The following TBC1D4 variants were observed in gnomAD, a reference collection of about 807,000 sequenced individuals.
TBC1D4 encodes TBC1 domain family member 4.
A neutral mutation model predicts 142.5 loss-of-function variants in TBC1D4; 121 were observed. The observed-to-expected ratio is 0.85, with a 90% CI of 0.73 to 0.99. TBC1D4 has a LOEUF of 0.99. Among genes scored for constraint, TBC1D4 ranks in the 50% least tolerant of loss-of-function variants. The probability of loss-of-function intolerance (pLI) is 0.00; values close to 1 mark genes in which losing one functional copy is unlikely to be tolerated. For missense variants in TBC1D4, 1,475 were observed against 1,606.6 expected (o/e 0.92, Z 1.40); for synonymous variants, 630 against 628.2 (o/e 1.00, Z -0.04).
At chr13:75,351,840 G>A (rs1881631521) in intron 4 of TBC1D4, among the ~76,000 whole-genome samples, 1 of 152,038 alleles carries the variant, frequency 6.6e-6, no homozygotes, top group African/African-American at 2.4e-5. Context: ...TTGGTTCCAA[G>A]TCTTTGGCAT....
intron 1 of TBC1D4, among the ~76,000 whole-genome samples, chr13:75,406,123 G>GT (rs1184175314): frequency 6.6e-6 from 1 of 152,194 alleles, no homozygotes; most frequent in Non-Finnish European, 1.5e-5. Context: ...GCATCCAACT[G>GT]TGAGGGCTAC....
chr13:75,470,136 C>T (rs1302872452), intron 1 of TBC1D4, among the ~76,000 whole-genome samples: 1 of 152,016 alleles, frequency 6.6e-6, no homozygotes, highest in Non-Finnish European at 1.5e-5. Context: ...TTATTTTTTA[C>T]AAGATTGTCT....
chr13:75,347,531 C>G lies in TBC1D4; in HGVS notation c.1408+1639G>C, dbSNP rs1881246566. ...TGCATTTCTGTGTCTTAATAAATCTCTCTTCAAGAAATAAGAATACTCTTC... is the reference window on the plus strand; with the variant it reads ...TGCATTTCTGTGTCTTAATAAATCTGTCTTCAAGAAATAAGAATACTCTTC... On this transcript the variant is annotated intron_variant, in intron 5 of 20. Coordinates refer to ENST00000377636, the MANE Select transcript of TBC1D4 (RefSeq NM_014832.5). Among the ~76,000 whole-genome samples the G allele has an allele frequency of 2.0e-5, 3 of 152,182 alleles. No individual in the cohort carries two copies. In the South Asian group the frequency reaches 6.2e-4, roughly 31 times the overall value.
chr13:75,330,026 C>CA (rs1245672995), intron 8 of TBC1D4, among the ~76,000 whole-genome samples: 1 of 152,228 alleles, frequency 6.6e-6, no homozygotes, highest in African/African-American at 2.4e-5. Flanking sequence ...TCTGGAAACT[C>CA]ACGCTCTTTA....
intron 1 of TBC1D4, among the ~76,000 whole-genome samples, chr13:75,431,518 T>C (rs1276946937): frequency 2.0e-5 from 3 of 152,184 alleles, no homozygotes; most frequent in Non-Finnish European, 4.4e-5. Flanking sequence ...TAATTTCTAC[T>C]TGGTGCCTGG....
At chr13:75,441,662 G>C (rs989228194) in intron 1 of TBC1D4, among the ~76,000 whole-genome samples, 1 of 152,180 alleles carries the variant, frequency 6.6e-6, no homozygotes, top group Non-Finnish European at 1.5e-5. Context: ...TATAGAGTTG[G>C]AAAACTAAGT....
intron 14 of TBC1D4, among the ~76,000 whole-genome samples, chr13:75,307,759 A>C (rs1265253489): frequency 1.3e-5 from 2 of 152,222 alleles, no homozygotes; most frequent in African/African-American, 2.4e-5. Flanking sequence ...AACATAATCT[A>C]AAGATAAATC....
chr13:75,366,386 C>G (rs1485857335), intron 1 of TBC1D4, among the ~76,000 whole-genome samples: 1 of 152,168 alleles, frequency 6.6e-6, no homozygotes, highest in African/African-American at 2.4e-5. Context: ...TCGAGATCCA[C>G]ATTCTGTGAG....
intron 1 of TBC1D4, among the ~76,000 whole-genome samples, chr13:75,409,623 T>C (rs1885506014): frequency 6.6e-6 from 1 of 152,220 alleles, no homozygotes; most frequent in Admixed American, 6.5e-5. Flanking sequence ...GATTGACCCT[T>C]GGTGAAACTT....
chr13:75,343,304 A>C (rs1436953817), intron 5 of TBC1D4, among the ~76,000 whole-genome samples: 1 of 152,230 alleles, frequency 6.6e-6, no homozygotes, highest in Non-Finnish European at 1.5e-5. Context: ...AGCACACAGT[A>C]CTGCCATACT....
rs758366853 is a variant in TBC1D4 at position 75,292,271 on chromosome 13, T to A, written c.3317A>T (p.Asp1106Val). ...FSLGFVARVF[D>V]IIFLQGTEVI... ...TTCAGTTCCCTGAAGAAAAATAATATCTAAAAGAAGAGATATAATTTTCAT... is the reference window on the plus strand; with the variant it reads ...TTCAGTTCCCTGAAGAAAAATAATAACTAAAAGAAGAGATATAATTTTCAT... The change falls in exon 19 of 21, where the codon GAT (aspartate) becomes GTT (valine). Residue 1106 changes from aspartate (D) to valine (V), a missense_variant and splice_region_variant. Transcript: ENST00000377636. 3 of 1,609,764 alleles carry A rather than the reference T, an allele frequency of 1.9e-6. No individual in the cohort carries two copies. Among genetic ancestry groups the A allele is most frequent in the Non-Finnish European group, 2.5e-6 (3 of 1,177,982 alleles).
At chr13:75,361,382 A>G (rs944889887) in intron 2 of TBC1D4, among the ~76,000 whole-genome samples, 5 of 151,816 alleles carry the variant, frequency 3.3e-5, no homozygotes, top group African/African-American at 7.3e-5. Flanking sequence ...ACTTTCTACA[A>G]TTTTTTTGTT....
intron 1 of TBC1D4, among the ~76,000 whole-genome samples, chr13:75,369,666 G>C (rs1466504238): frequency 6.6e-6 from 1 of 152,114 alleles, no homozygotes; most frequent in Non-Finnish European, 1.5e-5. Context: ...ATACCCCCTA[G>C]GTCTCAGGTT....
chr13:75,320,179 C>T, intron 11 of TBC1D4, 142 bp from the exon 12 acceptor site: 1 of 844,096 alleles, frequency 1.2e-6, no homozygotes, highest in Non-Finnish European at 1.9e-6. Context: ...AATAATTATA[C>T]CTTTTTTTTT....
intron 1 of TBC1D4, among the ~76,000 whole-genome samples, chr13:75,429,664 G>A (rs1179040100): frequency 2.0e-5 from 3 of 151,852 alleles, no homozygotes; most frequent in East Asian, 3.9e-4. Flanking sequence ...TATTTAGATC[G>A]AACCACTACT....
intron 1 of TBC1D4, among the ~76,000 whole-genome samples, chr13:75,457,994 G>A (rs1434652401): frequency 1.3e-5 from 2 of 152,150 alleles, no homozygotes; most frequent in Admixed American, 6.5e-5. Context: ...GCATCTAGGG[G>A]TGTTACAATT....
chr13:75,424,031 C>G (rs1236321408), intron 1 of TBC1D4, among the ~76,000 whole-genome samples: 2 of 152,128 alleles, frequency 1.3e-5, no homozygotes, highest in Non-Finnish European at 1.5e-5. Context: ...ATCATCCCAG[C>G]ACTTGGGGAG....
intron 1 of TBC1D4, among the ~76,000 whole-genome samples, chr13:75,439,277 G>A (rs1023949640): frequency 6.6e-6 from 1 of 151,986 alleles, no homozygotes; most frequent in African/African-American, 2.4e-5. Flanking sequence ...TTCTATTTAT[G>A]TTGATTTTGA....
intron 13 of TBC1D4, among the ~76,000 whole-genome samples, chr13:75,311,557 A>G (rs1399444736): frequency 6.6e-6 from 1 of 152,084 alleles, no homozygotes; most frequent in African/African-American, 2.4e-5. Context: ...AGTGTAACTA[A>G]TTTTTGGCCT....
Sources: gnomAD v4.1 joint callset for allele counts (sites outside exome capture counted in the v4.1 genomes callset) on GRCh38, gnomAD v4.1.1 for gene constraint, MANE v1.5 for transcripts, NCBI Gene and HGNC (gene_info 2026-07-23, HGNC 2026-07-21) for gene names.